CPSF1: variants seen among roughly 807,000 people sequenced by gnomAD.
CPSF1 encodes the protein cleavage and polyadenylation specificity factor subunit 1.
A neutral mutation model predicts 175.8 loss-of-function variants in CPSF1; 106 were observed. That is an observed-to-expected ratio of 0.60 (90% confidence interval 0.52 to 0.71). CPSF1 has a LOEUF of 0.71. Among genes scored for constraint, CPSF1 ranks in the 30% least tolerant of loss-of-function variants. The pLI is 0.00. For missense variants in CPSF1, 1,734 were observed against 2,022.9 expected (o/e 0.86, Z 2.74); for synonymous variants, 1,024 against 858.3 (o/e 1.19, Z -3.37).
Position 144,396,419 on chromosome 8 carries a change from C to G in CPSF1, c.2908G>C (p.Gly970Arg). The change falls in exon 26 of 38, where the codon GGC becomes CGC. Residue 970 changes from glycine (G) to arginine (R), a missense_variant. Transcript: ENST00000616140. ...AATGGAGCGAAAGAGTCGACCGGGC[C>G]GTCGATGGCCATGGGGTGTAGCCGC... ...ALRLHPMAID[G>R]PVDSFAPFHN... The G allele has an allele frequency of 1.9e-6, 3 of 1,592,138 alleles. No individual in the cohort carries two copies. Among genetic ancestry groups the G allele is most frequent in the Non-Finnish European group, 1.7e-6 (2 of 1,171,456 alleles).
At chr8:144,404,026 C>G (rs782589517) in intron 2 of CPSF1, among the ~76,000 whole-genome samples, 1 of 151,374 alleles carries the variant, frequency 6.6e-6, no homozygotes, top group African/African-American at 2.4e-5. Flanking sequence ...ACCAGTCTAG[C>G]CAACATGGTG....
Position 144,398,862 on chromosome 8 carries a change from T to C in CPSF1, c.1555A>G (p.Ile519Val), listed in dbSNP as rs1820975760. The part of the protein sequence containing the change: ...NGALSVLQKS[I>V]RPQVVTTFEL... Reference sequence around the variant, plus strand: ...AAGGTTGTCACCACCTGGGGCCGGATGCTCTTCTAGAATGATGATGGGGTG... The same window carrying C: ...AAGGTTGTCACCACCTGGGGCCGGACGCTCTTCTAGAATGATGATGGGGTG... The change falls in exon 17 of 38, where the codon ATC (isoleucine) becomes GTC (valine). Residue 519 changes from isoleucine to valine, a missense_variant. By Grantham distance (29) the Ile-to-Val change is conservative. This residue lies in a region of CPSF1 where 280 missense variants were observed against 349.2 expected (regional missense o/e 0.80). Transcript: ENST00000616140. 1 of 1,610,062 alleles carries C rather than the reference T, an allele frequency of 6.2e-7. No individual in the cohort carries two copies. Among genetic ancestry groups the C allele is most frequent in the African/African-American group, 1.3e-5 (1 of 74,952 alleles).
In CPSF1 at chr8:144,399,948, G is replaced by T. The variant is rs2116868216; in HGVS notation, c.1031+44C>A. 63 of 1,591,418 alleles carry T rather than the reference G, an allele frequency of 4.0e-5. No individual in the cohort carries two copies. In the East Asian group the frequency reaches 5.0e-4, roughly 13 times the overall value. ...GGCCAGGGGACCCTACAGGACTTGT[G>T]GGGGGCGGTGTGGGCAGAGTTCATG... On this transcript the variant is annotated intron_variant, in intron 10 of 37. Coordinates refer to ENST00000616140, the MANE Select transcript of CPSF1 (RefSeq NM_013291.3). This position sits in a 1 kb window ranked among gnomAD's most constrained non-coding sequence, Gnocchi z 6.4.
chr8:144,396,437 G>A lies in CPSF1; in HGVS notation c.2890C>T (p.His964Tyr), dbSNP rs1554863739. 1.3e-6 allele frequency: 2 copies of A among 1,596,610 alleles called. No homozygotes were observed. Among genetic ancestry groups the A allele is most frequent in the Non-Finnish European group, 1.7e-6 (2 of 1,173,166 alleles). ...LVTGRGALRL[H>Y]PMAIDGPVDS... Reference sequence around the variant, plus strand: ...ACCGGGCCGTCGATGGCCATGGGGTGTAGCCGCAGAGCCCCTCGGCCGGTC... The same window carrying A: ...ACCGGGCCGTCGATGGCCATGGGGTATAGCCGCAGAGCCCCTCGGCCGGTC... Residue 964 changes from histidine to tyrosine, a missense_variant, in exon 26 of 38, where the codon CAC (histidine) becomes TAC (tyrosine). This residue lies in a region of CPSF1 where 585 missense variants were observed against 584.7 expected (regional missense o/e 1.00). Transcript: ENST00000616140.
At chr8:144,405,648 G>A (rs1481081559) in intron 2 of CPSF1, among the ~76,000 whole-genome samples, 1 of 152,070 alleles carries the variant, frequency 6.6e-6, no homozygotes, top group Admixed American at 6.6e-5. Context: ...AAAGACAGCT[G>A]TATGAAAGGT....
In CPSF1 at chr8:144,401,873, C is replaced by T. The variant is rs1265200196; in HGVS notation, c.145-200G>A. Among the ~76,000 whole-genome samples the T allele has an allele frequency of 5.9e-5, 9 of 152,148 alleles. No individual in the cohort carries two copies. In the East Asian group the frequency reaches 7.7e-4, roughly 13 times the overall value. On this transcript the variant is annotated intron_variant, in intron 2 of 37. Coordinates refer to ENST00000616140, the MANE Select transcript of CPSF1 (RefSeq NM_013291.3). ...ACCCCCATTCACGCTCTCATGCCCACGGCCCAGCCCTGGCACAGGCCCCTC... is the reference window on the plus strand; with the variant it reads ...ACCCCCATTCACGCTCTCATGCCCATGGCCCAGCCCTGGCACAGGCCCCTC...
chr8:144,399,152 G>A lies in CPSF1; in HGVS notation c.1443C>T (p.Gly481=), dbSNP rs2116859457. 1.0e-5 allele frequency: 16 copies of A among 1,592,242 alleles called. No individual in the cohort carries two copies. The highest frequency in any genetic ancestry group is 9.4e-5 in the African/African-American group (7 of 74,550). Residue 481 remains glycine (G), a synonymous_variant, in exon 15 of 38, where the codon GGC becomes GGT. Transcript: ENST00000616140. The surrounding 1 kb of genome is among the most constrained non-coding windows in gnomAD (Gnocchi z 6.4). The stretch of plus-strand genomic sequence containing the variant: ...CCTCTTCAGAGAGGAAGGCAGGCTC[G>A]CCCACGGCGGCATTGGCACAGGGTC... ...NIGPCANAAV[G]EPAFLSEEFQ...
chr8:144,401,595 C>A, intron 3 of CPSF1, 32 bp from the exon 4 acceptor site: 1 of 1,612,614 alleles, frequency 6.2e-7, no homozygotes, highest in South Asian at 1.1e-5. Flanking sequence ...AGGGTCAGGG[C>A]CCAGCCATGC....
At position 144,400,134 on chromosome 8, in the gene CPSF1, G is replaced by GCCCCCCCCCCCC. The variant is rs782373475; in HGVS notation, c.937+31_937+32insGGGGGGGGGGGG. 114 of 966,510 alleles carry GCCCCCCCCCCCC rather than the reference G, an allele frequency of 1.2e-4. 3 individuals are homozygous for GCCCCCCCCCCCC. Among genetic ancestry groups the GCCCCCCCCCCCC allele is most frequent in the African/African-American group, 3.5e-4 (15 of 42,720 alleles). The allele number at this position is 966,510 out of a possible 1,614,324, so 59.9% of individuals were successfully genotyped here. A position where few individuals can be genotyped will look rare whatever the true frequency, so the allele number is the denominator to read the frequency against. On this transcript the variant is annotated intron_variant, in intron 9 of 37. Transcript: ENST00000616140. ...ACTAGGCAGGCCCAAGCCGTCCCCG[G>GCCCCCCCCCCCC]GCCCCCCCCGCCCCAGCCACCCCAC...
In CPSF1 at chr8:144,398,032, G is replaced by A. The variant is rs1029177602; in HGVS notation, c.1995C>T (p.Val665=). The A allele has an allele frequency of 1.2e-6, 2 of 1,612,358 alleles. No individual in the cohort carries two copies. The highest frequency in any genetic ancestry group is 2.7e-5 in the African/African-American group (2 of 74,888). Residue 665 remains valine (V), a synonymous_variant, in exon 20 of 38, where the codon GTC becomes GTT. Transcript: ENST00000616140. ...YVVIMSAEGH[V]TMFLLKSDSY... ...AGTCACTCTTCAGCAGGAACATGGT[G>A]ACGTGGCCCTCGGCACTCATGATGA...
chr8:144,400,821 G>C lies in CPSF1; in HGVS notation c.540-4C>G, dbSNP rs2116878656. On this transcript the variant is annotated splice_polypyrimidine_tract_variant and splice_region_variant and intron_variant, in intron 6 of 37. Transcript: ENST00000616140. ...GGGCAGGAAGCTGGACCTCTGCCTGGGGGGCCAGGGGCTTCAGCAGGAGAG... is the reference window on the plus strand; with the variant it reads ...GGGCAGGAAGCTGGACCTCTGCCTGCGGGGCCAGGGGCTTCAGCAGGAGAG... The C allele has an allele frequency of 2.6e-4, 413 of 1,613,346 alleles. 4 individuals are homozygous for C. The South Asian group carries it at 4.1e-3, about 16-fold the overall frequency.
At chr8:144,397,047 A>T (rs1441378755) in intron 23 of CPSF1, 118 bp from the exon 24 acceptor site, 5 of 601,538 alleles carry the variant, frequency 8.3e-6, no homozygotes, top group Non-Finnish European at 2.6e-6. Context: ...GGAGCCATGT[A>T]TGGGAAGGGG....
intron 7 of CPSF1, 61 bp from the exon 8 acceptor site, chr8:144,400,554 C>T: frequency 6.2e-7 from 1 of 1,608,350 alleles, no homozygotes. Context: ...AGGCCCAGCT[C>T]CTCCCGAGCA....
At chr8:144,395,648 C>T in intron 26 of CPSF1, 97 bp from the exon 27 acceptor site, 1 of 1,034,686 alleles carries the variant, frequency 9.7e-7, no homozygotes, top group Non-Finnish European at 1.4e-6. Flanking sequence ...TTGCCCTCAG[C>T]TCTGTGGGAG....
In CPSF1 at chr8:144,394,770, C is replaced by T. The variant is rs782687612; in HGVS notation, c.3441G>A (p.Val1147=). The T allele has an allele frequency of 6.8e-5, 110 of 1,613,474 alleles. No individual in the cohort carries two copies. The highest frequency in any genetic ancestry group is 9.1e-5 in the Non-Finnish European group (107 of 1,179,966). ...TCAAGGGCTGGCCAGGCTCGGGCAC[C>T]ACCTCAATCACATCCATGATCAAGA... ...GRILIMDVIE[V]VPEPGQPLTK... is the part of the protein sequence containing the mutation. Residue 1147 remains valine, a synonymous_variant, in exon 31 of 38, where the codon GTG becomes GTA. Transcript: ENST00000616140.
chr8:144,404,520 C>G (rs1821387103), intron 2 of CPSF1, among the ~76,000 whole-genome samples: 1 of 151,252 alleles, frequency 6.6e-6, no homozygotes, highest in Non-Finnish European at 1.5e-5. Context: ...CGCCCACCAC[C>G]ACGCCTAATT....
In CPSF1 at chr8:144,409,329, C is replaced by T. The variant is rs2116914217; in HGVS notation, c.-55G>A. ...GACTCGAGAGGAACCGGGACAGCAG[C>T]GAACTCAGTCCGGCCGGGCCCAGAA... On this transcript the variant is annotated 5_prime_UTR_variant, in exon 1 of 38. Transcript: ENST00000616140. 5.5e-5 allele frequency: 24 copies of T among 434,578 alleles called. No homozygotes were observed. Among genetic ancestry groups the T allele is most frequent in the African/African-American group, 5.0e-4 (24 of 47,946 alleles). The allele number at this position is 434,578 out of a possible 1,614,324, so 26.9% of individuals were successfully genotyped here. A position where few individuals can be genotyped will look rare whatever the true frequency, so the allele number is the denominator to read the frequency against.
In CPSF1 at chr8:144,395,250, T is replaced by C; in HGVS notation, c.3187+15A>G. The stretch of plus-strand genomic sequence containing the variant: ...GATGCGGCTGAGGATGGGAGTATGG[T>C]GTGGGCGTCACCACCTCTCTCGATG... On this transcript the variant is annotated intron_variant, in intron 28 of 37. Coordinates refer to ENST00000616140, the MANE Select transcript of CPSF1 (RefSeq NM_013291.3). The C allele has an allele frequency of 6.2e-7, 1 of 1,612,972 alleles. No individual in the cohort carries two copies. The highest frequency in any genetic ancestry group is 1.3e-5 in the African/African-American group (1 of 75,014).
In CPSF1 at chr8:144,400,142, CCG is replaced by C. The variant is rs1821094461; in HGVS notation, c.937+22_937+23del. The C allele has an allele frequency of 2.3e-3, 2,893 of 1,243,750 alleles. 110 individuals carry two copies. The highest frequency in any genetic ancestry group is 0.017 in the African/African-American group (1,050 of 63,238). The allele number at this position is 1,243,750 out of a possible 1,614,324, so 77.0% of individuals were successfully genotyped here. ...GGCCCAAGCCGTCCCCGGGCCCCCCCCGCCCCAGCCACCCCACACTCACGAAG... is the reference window on the plus strand; with the variant it reads ...GGCCCAAGCCGTCCCCGGGCCCCCCCCCCCAGCCACCCCACACTCACGAAG... On this transcript the variant is annotated intron_variant, in intron 9 of 37. Coordinates refer to ENST00000616140, the MANE Select transcript of CPSF1 (RefSeq NM_013291.3).
Sources: allele counts gnomAD v4.1 joint callset (sites outside exome capture counted in the v4.1 genomes callset), GRCh38; gene constraint gnomAD v4.1.1; regional missense constraint gnomAD v4.1.1; non-coding constraint Gnocchi (gnomAD v3.1); transcripts MANE v1.5; gene names NCBI Gene and HGNC (gene_info 2026-07-23, HGNC 2026-07-21).